Variants in WWTR1 observed in about 807,000 individuals in gnomAD.
WWTR1 encodes the protein WW domain-containing transcription regulator protein 1.
WWTR1 carries 13 observed loss-of-function variants against 40.1 expected under a neutral mutation model. The observed-to-expected ratio is 0.32, with a 90% CI of 0.21 to 0.52. WWTR1 has a LOEUF of 0.52. Among genes scored for constraint, WWTR1 ranks in the 20% least tolerant of loss-of-function variants. The probability of loss-of-function intolerance (pLI) is 0.97; values close to 1 mark genes in which losing one functional copy is unlikely to be tolerated. For missense variants in WWTR1, 436 were observed against 523.1 expected (o/e 0.83, Z 1.63); for synonymous variants, 230 against 210.1 (o/e 1.09, Z -0.82).
At chr3:149,697,253 A>AAGTGGGAGCAGGCATGTCATGTGGCAAG (rs537571755) in intron 1 of WWTR1, among the ~76,000 whole-genome samples, 2,996 of 151,930 alleles carry the variant, frequency 0.02, 59 homozygotes, top group South Asian at 0.084. Context: ...AGCAGAAGGT[A>AAGTGGGAGCAGGCATGTCATGTGGCAAG]AGTGGGAGCA....
intron 4 of WWTR1, chr3:149,540,929 T>C: frequency 2.3e-6 from 1 of 425,776 alleles, no homozygotes; most frequent in South Asian, 1.7e-5. Context: ...CTGGAATGTA[T>C]TTGATGAGAA....
At chr3:149,651,134 T>C (rs565705460) in intron 2 of WWTR1, among the ~76,000 whole-genome samples, 126 of 152,224 alleles carry the variant, frequency 8.3e-4, no homozygotes, top group Non-Finnish European at 1.5e-3. Flanking sequence ...ACAGTATTTT[T>C]TGAATGACAA....
intron 2 of WWTR1, among the ~76,000 whole-genome samples, chr3:149,607,516 A>C (rs774588922): frequency 1.3e-5 from 2 of 152,090 alleles, no homozygotes; most frequent in Non-Finnish European, 2.9e-5. Context: ...GGGTTTCACC[A>C]TGTTAGCCAG....
intron 2 of WWTR1, among the ~76,000 whole-genome samples, chr3:149,651,921 C>T (rs919663333): frequency 5.3e-5 from 8 of 150,248 alleles, no homozygotes; most frequent in East Asian, 2.0e-4. Context: ...GCTCCGCCTC[C>T]GGGGTTCACA....
chr3:149,531,461 G>A (rs149618942), intron 4 of WWTR1, among the ~76,000 whole-genome samples: 307 of 152,048 alleles, frequency 2.0e-3, no homozygotes, highest in African/African-American at 7.1e-3. Context: ...ACCACACCCT[G>A]CATAACAGCC....
At chr3:149,565,639 C>T (rs1737282408) in intron 3 of WWTR1, among the ~76,000 whole-genome samples, 2 of 152,038 alleles carry the variant, frequency 1.3e-5, no homozygotes, top group Admixed American at 6.6e-5. Flanking sequence ...CTTTTCAGGC[C>T]GGGTGCTCGT....
intron 2 of WWTR1, among the ~76,000 whole-genome samples, chr3:149,634,799 C>T (rs1196059196): frequency 2.0e-5 from 3 of 152,340 alleles, no homozygotes; most frequent in Admixed American, 2.0e-4. Flanking sequence ...CCAGACACTA[C>T]CTCAGCACCA....
chr3:149,721,038 A>G (rs891333243), intron 4 of WWTR1, among the ~76,000 whole-genome samples: 3 of 152,158 alleles, frequency 2.0e-5, no homozygotes, highest in Admixed American at 2.0e-4. Context: ...TTTTCTACAT[A>G]TGAGATCATG....
intron 3 of WWTR1, among the ~76,000 whole-genome samples, chr3:149,570,956 G>C (rs1455810877): frequency 6.6e-6 from 1 of 152,150 alleles, no homozygotes; most frequent in Non-Finnish European, 1.5e-5. Flanking sequence ...TACCAGATAG[G>C]AGTTAGTTAA....
chr3:149,721,756 G>T (rs940243994), intron 4 of WWTR1, among the ~76,000 whole-genome samples: 1 of 152,066 alleles, frequency 6.6e-6, no homozygotes, highest in Non-Finnish European at 1.5e-5. Context: ...TAAGAGATGG[G>T]GTTTCTTATG....
At chr3:149,607,463 C>A (rs141466560) in intron 2 of WWTR1, among the ~76,000 whole-genome samples, 88 of 152,178 alleles carry the variant, frequency 5.8e-4, no homozygotes, top group African/African-American at 2.0e-3. Flanking sequence ...TACAGGCACA[C>A]GCCGCAATGC....
intron 2 of WWTR1, among the ~76,000 whole-genome samples, chr3:149,580,337 C>T (rs1043167729): frequency 4.6e-5 from 7 of 152,184 alleles, no homozygotes; most frequent in African/African-American, 1.7e-4. Flanking sequence ...TGCACACTTA[C>T]TAATTCTCCC....
chr3:149,578,993 A>C (rs1358714621), intron 2 of WWTR1, among the ~76,000 whole-genome samples: 1 of 152,236 alleles, frequency 6.6e-6, no homozygotes, highest in Non-Finnish European at 1.5e-5. Context: ...GAAGCCGTAT[A>C]ACAAGGACTT....
chr3:149,584,278 C>T (rs1738302250), intron 2 of WWTR1, among the ~76,000 whole-genome samples: 1 of 152,116 alleles, frequency 6.6e-6, no homozygotes, highest in African/African-American at 2.4e-5. Context: ...TCTTTAAAAC[C>T]AAAAATTCTT....
chr3:149,553,672 A>C (rs1369761723), intron 3 of WWTR1, among the ~76,000 whole-genome samples: 1 of 152,230 alleles, frequency 6.6e-6, no homozygotes, highest in Admixed American at 6.5e-5. Flanking sequence ...GAAAGAAGCA[A>C]GCCAAAACAT....
intron 2 of WWTR1, among the ~76,000 whole-genome samples, chr3:149,635,494 G>C (rs528172144): frequency 1.3e-5 from 2 of 151,546 alleles, no homozygotes; most frequent in Non-Finnish European, 2.9e-5. Context: ...ACAATATATA[G>C]AAGGAGAAGA....
intron 2 of WWTR1, among the ~76,000 whole-genome samples, chr3:149,645,708 C>A (rs1326983148): frequency 6.6e-6 from 1 of 152,166 alleles, no homozygotes; most frequent in Non-Finnish European, 1.5e-5. Flanking sequence ...CCTTTGAAAA[C>A]CTAGGCTAAG....
At chr3:149,631,216 A>C (rs1378404592) in intron 2 of WWTR1, among the ~76,000 whole-genome samples, 1 of 152,216 alleles carries the variant, frequency 6.6e-6, no homozygotes, top group Non-Finnish European at 1.5e-5. Context: ...AGCTAAGTTT[A>C]GATGAGGAAA....
In WWTR1 at chr3:149,722,351, C is replaced by T. The variant is rs566671032; in HGVS notation, n.459+1729G>A. 2.0e-5 allele frequency among the ~76,000 whole-genome samples: 3 copies of T among 151,484 alleles called. No homozygotes were observed. In the South Asian group the frequency reaches 6.3e-4, roughly 32 times the overall value. ...TTAAGTTTAGGTTGTTGATTTAAGA[C>T]ATTTATTGTTTTTTTAATGTAAGCT... On this transcript the variant is annotated intron_variant and non_coding_transcript_variant, in intron 4 of 6. Coordinates refer to the WWTR1 transcript ENST00000474080.
Sources: gnomAD v4.1 joint callset for allele counts (sites outside exome capture counted in the v4.1 genomes callset) on GRCh38, gnomAD v4.1.1 for gene constraint, MANE v1.5 for transcripts, NCBI Gene and HGNC (gene_info 2026-07-23, HGNC 2026-07-21) for gene names.